The following AKAP6 variants were observed in gnomAD, a reference collection of about 807,000 sequenced individuals.
AKAP6 encodes A-kinase anchor protein 6.
Under a neutral mutation model 188.5 loss-of-function variants are expected in AKAP6, and 58 were observed. The ratio of observed to expected loss-of-function variants is 0.31; its 90% confidence interval spans 0.25 to 0.38. The LOEUF is 0.38. AKAP6 is among the 10% of genes least tolerant of loss of function. The pLI is 1.00. For missense variants in AKAP6, 2,710 were observed against 2,740.0 expected (o/e 0.99, Z 0.24); for synonymous variants, 989 against 998.6 (o/e 0.99, Z 0.18).
At chr14:32,712,077 C>T (rs1465442837) in intron 9 of AKAP6, among the ~76,000 whole-genome samples, 1 of 151,898 alleles carries the variant, frequency 6.6e-6, no homozygotes, top group African/African-American at 2.4e-5. Context: ...ATAATACAGG[C>T]ATACCTAAGA....
At chr14:32,504,215 C>T (rs1176902659) in intron 2 of AKAP6, among the ~76,000 whole-genome samples, 1 of 152,012 alleles carries the variant, frequency 6.6e-6, no homozygotes, top group Admixed American at 6.6e-5. Flanking sequence ...TCAGTTATAG[C>T]TAAAAAGAGC....
chr14:32,563,367 C>T (rs1296616221), intron 4 of AKAP6, among the ~76,000 whole-genome samples: 1 of 152,112 alleles, frequency 6.6e-6, no homozygotes, highest in Non-Finnish European at 1.5e-5. Flanking sequence ...ATATCTGCCA[C>T]AGAGAGTCAT....
chr14:32,443,328 G>T (rs1890645081), intron 2 of AKAP6, among the ~76,000 whole-genome samples: 2 of 151,984 alleles, frequency 1.3e-5, no homozygotes, highest in Admixed American at 6.6e-5. Flanking sequence ...GAGAGATGGA[G>T]GTTGCAGTGA....
rs1183410325 is a variant in AKAP6, at chr14:32,835,317, C to T, written c.*5512C>T. The T allele has an allele frequency of 6.6e-6, 1 of 151,646 alleles. No homozygotes were observed. The highest frequency in any genetic ancestry group is 1.5e-5 in the Non-Finnish European group (1 of 67,962). The allele number at this position is 151,646 out of a possible 1,614,324, so 9.4% of individuals were successfully genotyped here. A position where few individuals can be genotyped will look rare whatever the true frequency, so the allele number is the denominator to read the frequency against. ...ATTTTATTGCATTCTCAACTTGTTT[C>T]ATATTACCTTAAAAAATAAAGTGCA... On this transcript the variant is annotated 3_prime_UTR_variant, in exon 14 of 14. Transcript: ENST00000280979.
chr14:32,348,408 C>CTTTTTTTTTTTTTTTT (rs1235466012), intron 1 of AKAP6, among the ~76,000 whole-genome samples: 1 of 88,736 alleles, frequency 1.1e-5, no homozygotes, highest in African/African-American at 6.5e-5. Flanking sequence ...TCTTTCTTTT[C>CTTTTTTTTTTTTTTTT]TTTTGTTTCT....
rs1300925083 is a variant in AKAP6 at position 32,786,296 on chromosome 14, ATCTTTTTTT to A, written c.3588+12405_3588+12413del. Among the ~76,000 whole-genome samples, 21 of 93,718 alleles carry A rather than the reference ATCTTTTTTT, an allele frequency of 2.2e-4. 2 individuals carry two copies. Among genetic ancestry groups the A allele is most frequent in the South Asian group, 7.5e-4 (2 of 2,676 alleles). The allele number at this position is 93,718 out of a possible 152,430, so 61.5% of individuals were successfully genotyped here. On this transcript the variant is annotated intron_variant, in intron 12 of 13. Transcript: ENST00000280979. ...AGCCCTCTGAAAGACCTAAACCTTT[ATCTTTTTTT>A]TTTTTTTTTTTTTTTTTTTTGAGAC...
At chr14:32,569,181 C>G (rs1346838648) in intron 4 of AKAP6, among the ~76,000 whole-genome samples, 1 of 152,104 alleles carries the variant, frequency 6.6e-6, no homozygotes, top group East Asian at 1.9e-4. Context: ...CCATTCCATG[C>G]CATTTTGCTC....
At chr14:32,363,230 GC>G (rs1269738701) in intron 1 of AKAP6, among the ~76,000 whole-genome samples, 1 of 152,208 alleles carries the variant, frequency 6.6e-6, no homozygotes, top group Non-Finnish European at 1.5e-5. Context: ...TGTACTAAGT[GC>G]TGTGGGAACA....
intron 7 of AKAP6, among the ~76,000 whole-genome samples, chr14:32,617,356 A>C (rs1886622747): frequency 6.6e-6 from 1 of 152,006 alleles, no homozygotes; most frequent in Admixed American, 6.6e-5. Flanking sequence ...GTAGCCATCT[A>C]TACCAAAATG....
At chr14:32,737,697 A>G (rs1034872835) in intron 11 of AKAP6, among the ~76,000 whole-genome samples, 1 of 152,156 alleles carries the variant, frequency 6.6e-6, no homozygotes, top group Non-Finnish European at 1.5e-5. Flanking sequence ...GTTTAGCTTT[A>G]TGATTCTTTA....
intron 1 of AKAP6, among the ~76,000 whole-genome samples, chr14:32,335,345 C>A (rs1228362128): frequency 6.6e-6 from 1 of 152,066 alleles, no homozygotes; most frequent in Admixed American, 6.6e-5. Context: ...TTACAGTGGA[C>A]CTTATGTAGC....
At chr14:32,544,627 A>C (rs1183063172) in intron 3 of AKAP6, among the ~76,000 whole-genome samples, 1 of 152,076 alleles carries the variant, frequency 6.6e-6, no homozygotes, top group Non-Finnish European at 1.5e-5. Context: ...ACATTCATTA[A>C]TTTTCTCCTT....
chr14:32,718,541 T>A (rs1250377701), intron 9 of AKAP6, among the ~76,000 whole-genome samples: 2 of 152,194 alleles, frequency 1.3e-5, no homozygotes, highest in Admixed American at 6.6e-5. Flanking sequence ...CACTGCCTCA[T>A]AAAAGGTGCC....
chr14:32,359,878 A>G (rs539807849), intron 1 of AKAP6, among the ~76,000 whole-genome samples: 130 of 152,318 alleles, frequency 8.5e-4, no homozygotes, highest in Non-Finnish European at 1.6e-3. Flanking sequence ...ACAACATATT[A>G]CTGGTGATTT....
At chr14:32,534,889 C>T (rs796216911) in intron 2 of AKAP6, among the ~76,000 whole-genome samples, 43 of 149,280 alleles carry the variant, frequency 2.9e-4, no homozygotes, top group African/African-American at 9.4e-4. Flanking sequence ...TGCTTGAACC[C>T]GATAGGTGGA....
chr14:32,684,859 A>C (rs1402573320), intron 8 of AKAP6, among the ~76,000 whole-genome samples: 2 of 152,196 alleles, frequency 1.3e-5, no homozygotes, highest in African/African-American at 4.8e-5. Context: ...ACTGTGTTGC[A>C]GACAGTAGTA....
chr14:32,409,876 T>C (rs1215562157), intron 1 of AKAP6, among the ~76,000 whole-genome samples: 1 of 152,196 alleles, frequency 6.6e-6, no homozygotes, highest in East Asian at 1.9e-4. Flanking sequence ...GACTAAACTC[T>C]GGCCTTTTTT....
At chr14:32,333,549 T>C (rs3784169) in intron 1 of AKAP6, among the ~76,000 whole-genome samples, 9,051 of 152,188 alleles carry the variant, frequency 0.059, 881 homozygotes, top group African/African-American at 0.2. Context: ...ATTCCATGTG[T>C]TATTAGAGAA....
intron 1 of AKAP6, among the ~76,000 whole-genome samples, chr14:32,412,925 T>C (rs1411344190): frequency 6.6e-6 from 1 of 152,162 alleles, no homozygotes; most frequent in Non-Finnish European, 1.5e-5. Flanking sequence ...TGCACTTTTT[T>C]CTCAATCTTG....
Sources: gnomAD v4.1 joint callset for allele counts (sites outside exome capture counted in the v4.1 genomes callset) on GRCh38, gnomAD v4.1.1 for gene constraint, MANE v1.5 for transcripts, NCBI Gene and HGNC (gene_info 2026-07-23, HGNC 2026-07-21) for gene names.